The following IGF2R variants were observed in gnomAD, a reference collection of about 807,000 sequenced individuals.
The protein encoded by IGF2R is cation-independent mannose-6-phosphate receptor.
In IGF2R, 91 loss-of-function variants were observed where a neutral mutation model predicts 270.6. The observed-to-expected ratio is 0.34, with a 90% CI of 0.28 to 0.40. The LOEUF is 0.40. IGF2R is among the 10% of genes least tolerant of loss of function. The pLI is 1.00. For missense variants in IGF2R, 2,805 were observed against 3,188.3 expected, an observed-to-expected ratio of 0.88 and a Z score of 2.90; for synonymous variants, 1,316 against 1,258.9, an observed-to-expected ratio of 1.05 and a Z score of -0.96.
intron 25 of IGF2R, among the ~76,000 whole-genome samples, chr6:160,062,168 ATTTTTTTTTTT>A (rs34356477): frequency 3.8e-5 from 4 of 106,620 alleles, no homozygotes; most frequent in Non-Finnish European, 7.3e-5. Context: ...CATTTATTTA[ATTTTTTTTTTT>A]TTTTTTTTTT....
chr6:159,976,775 T>C (rs1295876218), intron 1 of IGF2R, among the ~76,000 whole-genome samples: 2 of 151,946 alleles, frequency 1.3e-5, no homozygotes, highest in South Asian at 2.1e-4. Flanking sequence ...ACTTTGGGGG[T>C]TTTAAATTTA....
rs149045965 is a variant in IGF2R, at chr6:160,083,912, A to G, written c.5834-38A>G. 310 of 1,368,810 alleles carry G rather than the reference A, an allele frequency of 2.3e-4. 1 individual carries two copies. The African/African-American group carries it at 3.8e-3, about 17-fold the overall frequency. 84.8% of individuals were successfully genotyped at this position (1,368,810 alleles called of 1,614,324 possible). ...CTTCCCTTTCTGCATAGACACAGTG[A>G]CAGTCTGATCTCTCTCTCTTTTCCC... On this transcript the variant is annotated intron_variant, in intron 39 of 47. Transcript: ENST00000356956.
chr6:160,011,776 C>T (rs1255259359), intron 4 of IGF2R, among the ~76,000 whole-genome samples: 4 of 152,124 alleles, frequency 2.6e-5, no homozygotes, highest in African/African-American at 7.2e-5. Flanking sequence ...TGTGTTCCTT[C>T]TGCCGCTTCT....
chr6:160,098,159 T>C (rs1363817482), intron 45 of IGF2R, among the ~76,000 whole-genome samples: 1 of 152,178 alleles, frequency 6.6e-6, no homozygotes, highest in African/African-American at 2.4e-5. Flanking sequence ...GCTGGTCTTC[T>C]GTGTGGGTTT....
chr6:160,040,533 T>G (rs777171790), intron 10 of IGF2R, 27 bp from the exon 11 acceptor site: 319 of 1,611,580 alleles, frequency 2.0e-4, no homozygotes, highest in Non-Finnish European at 2.5e-4. Context: ...CGTATGGAGT[T>G]TAAATTTCTC....
intron 4 of IGF2R, among the ~76,000 whole-genome samples, chr6:160,022,458 C>G (rs1365595893): frequency 6.6e-6 from 1 of 152,128 alleles, no homozygotes; most frequent in Non-Finnish European, 1.5e-5. Context: ...AGTGGGGTTT[C>G]TTGATGTTTT....
At position 159,980,712 on chromosome 6, in the gene IGF2R, T is replaced by C. The variant is rs561064966; in HGVS notation, c.150-10472T>C. ...AGAAAGGCCCACCTTCCCTTGTAGT[T>C]TGCACACTCCAGGAAGGGCCCTGGG... On this transcript the variant is annotated intron_variant, in intron 1 of 47. Transcript: ENST00000356956. 3.9e-5 allele frequency among the ~76,000 whole-genome samples: 6 copies of C among 152,042 alleles called. No homozygotes were observed. The East Asian group carries it at 1.2e-3, about 29-fold the overall frequency.
intron 45 of IGF2R, among the ~76,000 whole-genome samples, chr6:160,100,130 C>T (rs1779449365): frequency 6.6e-6 from 1 of 151,984 alleles, no homozygotes; most frequent in Admixed American, 6.6e-5. Flanking sequence ...AATTTCAGCC[C>T]AGTATGGTAG....
At chr6:159,980,723 A>G (rs1433688481) in intron 1 of IGF2R, among the ~76,000 whole-genome samples, 2 of 151,966 alleles carry the variant, frequency 1.3e-5, no homozygotes, top group African/African-American at 4.8e-5. Flanking sequence ...TGCACACTCC[A>G]GGAAGGGCCC....
Position 160,073,956 on chromosome 6 carries a change from C to T in IGF2R, c.5147C>T (p.Pro1716Leu). 6.2e-7 allele frequency: 1 copy of T among 1,612,718 alleles called. No homozygotes were observed. The highest frequency in any genetic ancestry group is 8.5e-7 in the Non-Finnish European group (1 of 1,179,142). Reference protein sequence around the residue: ...CPAGAAVCKVPIDGPPIDIGR... With the variant: ...CPAGAAVCKVLIDGPPIDIGR... ...GCCGGAGCCGCTGTGTGCAAAGTTC[C>T]TATTGATGGTCCCCCCATAGTAAGT... Residue 1716 changes from proline (P) to leucine (L), a missense_variant, in exon 35 of 48, where the codon CCT becomes CTT. Pro to Leu is a moderately conservative substitution (Grantham distance 98). Transcript: ENST00000356956.
intron 41 of IGF2R, among the ~76,000 whole-genome samples, chr6:160,086,625 C>T (rs964374599): frequency 6.6e-6 from 1 of 152,188 alleles, no homozygotes; most frequent in African/African-American, 2.4e-5. Flanking sequence ...TCCCATATGC[C>T]AGAAGTTTTA....
intron 4 of IGF2R, among the ~76,000 whole-genome samples, chr6:160,015,985 C>T (rs572312600): frequency 7.2e-5 from 11 of 152,294 alleles, no homozygotes; most frequent in East Asian, 1.9e-4. Flanking sequence ...CCCCAGAAGC[C>T]GAGCTATGCT....
intron 44 of IGF2R, chr6:160,093,801 G>A: frequency 6.8e-6 from 5 of 736,896 alleles, no homozygotes; most frequent in Admixed American, 3.5e-5. Context: ...AAGATCTCTC[G>A]TGATGAGCTG....
chr6:160,049,707 A>G (rs1371454382), intron 18 of IGF2R, among the ~76,000 whole-genome samples: 1 of 152,226 alleles, frequency 6.6e-6, no homozygotes, highest in African/African-American at 2.4e-5. Flanking sequence ...GCCTTAGGTG[A>G]GCCACTTAAC....
At chr6:160,100,597 A>G (rs1381047212) in intron 45 of IGF2R, among the ~76,000 whole-genome samples, 1 of 152,160 alleles carries the variant, frequency 6.6e-6, no homozygotes, top group East Asian at 1.9e-4. Flanking sequence ...GTGAAAAGCA[A>G]GATTTAATAG....
chr6:160,079,170 A>G (rs754052686), intron 37 of IGF2R, among the ~76,000 whole-genome samples: 4 of 152,202 alleles, frequency 2.6e-5, no homozygotes, highest in Admixed American at 1.3e-4. Flanking sequence ...TGGGTGGGCC[A>G]GGAGAGTCAG....
intron 41 of IGF2R, among the ~76,000 whole-genome samples, chr6:160,087,766 C>T (rs1779126120): frequency 6.6e-6 from 1 of 152,186 alleles, no homozygotes; most frequent in Non-Finnish European, 1.5e-5. Context: ...ACTTCTGCCT[C>T]CCGGGTTCAA....
chr6:160,062,768 G>T, intron 26 of IGF2R, 149 bp downstream of exon 26: 2 of 555,100 alleles, frequency 3.6e-6, no homozygotes, highest in Non-Finnish European at 6.3e-6. Context: ...TTTTCCTTGA[G>T]CTTTTTTTTT....
intron 4 of IGF2R, among the ~76,000 whole-genome samples, chr6:160,011,237 T>A (rs2115206635): frequency 6.6e-6 from 1 of 152,296 alleles, no homozygotes; most frequent in East Asian, 1.9e-4. Flanking sequence ...TTGTTAAATC[T>A]CTCTGTCCCT....
Sources: allele counts gnomAD v4.1 joint callset (sites outside exome capture counted in the v4.1 genomes callset), GRCh38; gene constraint gnomAD v4.1.1; transcripts MANE v1.5; gene names NCBI Gene and HGNC (gene_info 2026-07-23, HGNC 2026-07-21).